TBC1D22A: variants seen among roughly 807,000 people sequenced by gnomAD.
The protein encoded by TBC1D22A is putative GTPase activator.
In TBC1D22A, 38 loss-of-function variants were observed where a neutral mutation model predicts 60.2. That is an observed-to-expected ratio of 0.63 (90% CI 0.49 to 0.83). The LOEUF (loss-of-function observed/expected upper bound fraction) is 0.83. Ranked by LOEUF, TBC1D22A falls within the 40% of genes least tolerant of loss-of-function variation. The pLI is 0.00. For synonymous variants in TBC1D22A, 302 were observed against 281.7 expected, an observed-to-expected ratio of 1.07 and a Z score of -0.72; for missense variants, 628 against 701.0, an observed-to-expected ratio of 0.90 and a Z score of 1.18.
intron 11 of TBC1D22A, among the ~76,000 whole-genome samples, chr22:47,083,023 T>A (rs1389268448): frequency 6.6e-6 from 1 of 152,236 alleles, no homozygotes; most frequent in Non-Finnish European, 1.5e-5. Flanking sequence ...ACAACGTGGA[T>A]GAATCTCAGA....
intron 5 of TBC1D22A, among the ~76,000 whole-genome samples, chr22:46,888,434 T>C (rs563902299): frequency 6.6e-6 from 1 of 152,348 alleles, no homozygotes; most frequent in Non-Finnish European, 1.5e-5. Context: ...GGGATGTATT[T>C]GTTCATTCAG....
In TBC1D22A at chr22:46,974,244, CGT is replaced by C. The variant is rs1388856545; in HGVS notation, c.1016-42_1016-41del. 2.0e-6 allele frequency: 3 copies of C among 1,523,514 alleles called. No homozygotes were observed. In the African/African-American group the frequency reaches 4.1e-5, roughly 21 times the overall value. The allele number at this position is 1,523,514 out of a possible 1,614,324, so 94.4% of individuals were successfully genotyped here. ...TGGGCCCCCTCGTGGGTCGAGGTCC[CGT>C]GTGGCTAAGTCTCCTTGTCTTTTGC... is the stretch of plus-strand genomic sequence containing the variant. On this transcript the variant is annotated intron_variant, in intron 8 of 12. Coordinates refer to ENST00000337137, the MANE Select transcript of TBC1D22A (RefSeq NM_014346.5).
intron 6 of TBC1D22A, among the ~76,000 whole-genome samples, chr22:46,891,996 G>A (rs2068432228): frequency 6.6e-6 from 1 of 152,184 alleles, no homozygotes; most frequent in South Asian, 2.1e-4. Context: ...GACAGATGAT[G>A]TACATAATGG....
At chr22:46,874,544 G>C (rs1466459874) in intron 4 of TBC1D22A, among the ~76,000 whole-genome samples, 1 of 77,634 alleles carries the variant, frequency 1.3e-5, no homozygotes, top group Non-Finnish European at 2.8e-5. Context: ...TCATATGTTT[G>C]TTTGGCTACA....
At chr22:47,131,939 C>T (rs898396749) in intron 12 of TBC1D22A, among the ~76,000 whole-genome samples, 2 of 152,236 alleles carry the variant, frequency 1.3e-5, no homozygotes, top group Non-Finnish European at 2.9e-5. Context: ...CAGCACCTCC[C>T]AAACTCTCTG....
chr22:47,010,424 A>G (rs892399017), intron 10 of TBC1D22A, among the ~76,000 whole-genome samples: 1 of 152,212 alleles, frequency 6.6e-6, no homozygotes, highest in Non-Finnish European at 1.5e-5. Context: ...ACGTAAGGAC[A>G]TGACAATTGG....
At chr22:46,872,774 AC>A (rs1175087048) in intron 4 of TBC1D22A, among the ~76,000 whole-genome samples, 1 of 152,086 alleles carries the variant, frequency 6.6e-6, no homozygotes, top group Non-Finnish European at 1.5e-5. Flanking sequence ...TAGGGAGAGA[AC>A]CCCAGATGTC....
At chr22:46,994,577 C>T (rs2075055840) in intron 9 of TBC1D22A, among the ~76,000 whole-genome samples, 1 of 152,254 alleles carries the variant, frequency 6.6e-6, no homozygotes, top group South Asian at 2.1e-4. Context: ...CGCAGTCCCT[C>T]AGGACAGACC....
At chr22:47,044,640 C>T (rs1323548973) in intron 11 of TBC1D22A, among the ~76,000 whole-genome samples, 9 of 152,170 alleles carry the variant, frequency 5.9e-5, no homozygotes, top group East Asian at 1.9e-4. Context: ...CATGCCTGCC[C>T]GCCCACAGGA....
chr22:47,170,777 A>G (rs13056675), intron 12 of TBC1D22A, among the ~76,000 whole-genome samples: 88 of 126,362 alleles, frequency 7.0e-4, no homozygotes, highest in African/African-American at 2.9e-3. Flanking sequence ...CGGAGAGAGG[A>G]CAGTCCTGGT....
intron 10 of TBC1D22A, among the ~76,000 whole-genome samples, chr22:47,035,988 A>G (rs963501655): frequency 2.0e-5 from 3 of 152,140 alleles, no homozygotes; most frequent in Admixed American, 6.5e-5. Context: ...TTTCTCTGGT[A>G]TTTGTTTATT....
At chr22:46,763,209 C>A in intron 1 of TBC1D22A, 1 of 255,796 alleles carries the variant, frequency 3.9e-6, no homozygotes, top group Non-Finnish European at 7.5e-6. Flanking sequence ...GCTGAGGCCC[C>A]CCGTCTGCTG....
intron 10 of TBC1D22A, among the ~76,000 whole-genome samples, chr22:47,014,689 G>A (rs1197425252): frequency 6.6e-6 from 1 of 152,204 alleles, no homozygotes; most frequent in African/African-American, 2.4e-5. Flanking sequence ...TCCGAGTCAC[G>A]CAGGTGAAAC....
chr22:47,127,777 C>A (rs1014575691), intron 12 of TBC1D22A, among the ~76,000 whole-genome samples: 16 of 151,942 alleles, frequency 1.1e-4, no homozygotes. Flanking sequence ...TTCCACGCAT[C>A]AGGGCTCACA....
chr22:46,843,030 A>C (rs1478122658), intron 4 of TBC1D22A, among the ~76,000 whole-genome samples: 1 of 152,192 alleles, frequency 6.6e-6, no homozygotes, highest in Non-Finnish European at 1.5e-5. Flanking sequence ...TGCCTCGAGC[A>C]CACTGTGCGT....
At chr22:46,968,293 G>A (rs1049543432) in intron 8 of TBC1D22A, among the ~76,000 whole-genome samples, 1 of 152,192 alleles carries the variant, frequency 6.6e-6, no homozygotes, top group Non-Finnish European at 1.5e-5. Context: ...CAGAGCCCTG[G>A]TTCATGGCCA....
intron 5 of TBC1D22A, among the ~76,000 whole-genome samples, chr22:46,886,521 T>A (rs2068128120): frequency 6.6e-6 from 1 of 152,230 alleles, no homozygotes; most frequent in South Asian, 2.1e-4. Context: ...TACTTGGAAA[T>A]CACGCATCGT....
At chr22:47,172,801 G>A (rs1159908190) in intron 12 of TBC1D22A, among the ~76,000 whole-genome samples, 1 of 152,252 alleles carries the variant, frequency 6.6e-6, no homozygotes, top group Non-Finnish European at 1.5e-5. Context: ...AGCTGGGTTT[G>A]GTGGAGCCCT....
At chr22:46,781,839 C>T (rs949145095) in intron 1 of TBC1D22A, among the ~76,000 whole-genome samples, 3 of 152,196 alleles carry the variant, frequency 2.0e-5, no homozygotes, top group South Asian at 2.1e-4. Context: ...CTGAGAGCCC[C>T]GGCTGTGTGT....
Sources: gnomAD v4.1 joint callset for allele counts (sites outside exome capture counted in the v4.1 genomes callset) on GRCh38, gnomAD v4.1.1 for gene constraint, MANE v1.5 for transcripts, NCBI Gene and HGNC (gene_info 2026-07-23, HGNC 2026-07-21) for gene names.